GABBR2: variants seen among roughly 807,000 people sequenced by gnomAD.
The protein encoded by GABBR2 is G-protein coupled receptor 51.
A neutral mutation model predicts 105.6 loss-of-function variants in GABBR2; 23 were observed. That is an observed-to-expected ratio of 0.22 (90% CI 0.16 to 0.31). The LOEUF (loss-of-function observed/expected upper bound fraction) is 0.31. GABBR2 is among the 10% of genes least tolerant of loss of function. GABBR2 has a pLI of 1.00. For missense variants in GABBR2, 734 were observed against 1,245.5 expected, an observed-to-expected ratio of 0.59 and a Z score of 6.18; for synonymous variants, 478 against 499.7, an observed-to-expected ratio of 0.96 and a Z score of 0.58.
At chr9:98,383,091 G>T (rs866745116) in intron 11 of GABBR2, among the ~76,000 whole-genome samples, 1 of 152,078 alleles carries the variant, frequency 6.6e-6, no homozygotes. Context: ...ACAGGCATGC[G>T]CCTCCATGCC....
chr9:98,466,902 T>C (rs1826569980), intron 6 of GABBR2, among the ~76,000 whole-genome samples: 1 of 152,206 alleles, frequency 6.6e-6, no homozygotes, highest in Middle Eastern at 3.2e-3. Flanking sequence ...GTCCTATCTT[T>C]ATGCTCCACA....
chr9:98,705,023 C>G (rs1218420895), intron 1 of GABBR2, among the ~76,000 whole-genome samples: 3 of 151,802 alleles, frequency 2.0e-5, no homozygotes, highest in Non-Finnish European at 4.4e-5. Context: ...GTACATTTAC[C>G]TTTTTACCTT....
intron 17 of GABBR2, among the ~76,000 whole-genome samples, chr9:98,296,917 T>C (rs1830391533): frequency 6.6e-6 from 1 of 152,290 alleles, no homozygotes; most frequent in East Asian, 1.9e-4. Context: ...AACCTTTCCT[T>C]TTGTGATTTC....
Position 98,306,302 on chromosome 9 carries a change from A to C in GABBR2, c.2048T>G (p.Ile683Ser). ...GTACTTGCTGTCGTTGAGTGCGGGGATGCTGACGTTGCGGGTCTCCCAAGC... is the reference window on the plus strand; with the variant it reads ...GTACTTGCTGTCGTTGAGTGCGGGGCTGCTGACGTTGCGGGTCTCCCAAGC... ...FLAWETRNVSIPALNDSKYIG... is the reference protein window; with the variant it reads ...FLAWETRNVSSPALNDSKYIG... The change falls in exon 15 of 19, where the codon ATC (isoleucine) becomes AGC (serine). Residue 683 changes from isoleucine to serine, a missense_variant. Ile to Ser is a moderately radical substitution (Grantham distance 142). Transcript: ENST00000259455. This position sits in a 1 kb window ranked among gnomAD's most constrained non-coding sequence, Gnocchi z 5.4. 6.2e-7 allele frequency: 1 copy of C among 1,614,074 alleles called. No homozygotes were observed. The highest frequency in any genetic ancestry group is 1.1e-5 in the South Asian group (1 of 91,068).
At chr9:98,702,977 C>T (rs531514025) in intron 1 of GABBR2, among the ~76,000 whole-genome samples, 1 of 152,354 alleles carries the variant, frequency 6.6e-6, no homozygotes, top group East Asian at 1.9e-4. Context: ...TCACCTCCCT[C>T]TCTCATCATG....
intron 13 of GABBR2, among the ~76,000 whole-genome samples, chr9:98,341,157 A>G (rs774580644): frequency 1.4e-4 from 21 of 152,332 alleles, no homozygotes; most frequent in Middle Eastern, 6.8e-3. Flanking sequence ...ATCAACTGCA[A>G]TCTCTCGTGA....
At chr9:98,664,328 CA>C (rs1329211334) in intron 1 of GABBR2, among the ~76,000 whole-genome samples, 1 of 152,206 alleles carries the variant, frequency 6.6e-6, no homozygotes, top group Non-Finnish European at 1.5e-5. Context: ...CTAGCCTCTT[CA>C]AAAACCAGAT....
At chr9:98,541,770 A>C in intron 3 of GABBR2, 103 bp downstream of exon 3, 1 of 1,023,178 alleles carries the variant, frequency 9.8e-7, no homozygotes, top group Non-Finnish European at 1.5e-6. Flanking sequence ...CACATGCTTA[A>C]AAGCCCTGTG....
At chr9:98,366,416 T>C (rs1380824094) in intron 12 of GABBR2, among the ~76,000 whole-genome samples, 1 of 152,228 alleles carries the variant, frequency 6.6e-6, no homozygotes, top group African/African-American at 2.4e-5. Context: ...TTTAAATGAA[T>C]GTCATGTGCA....
At position 98,306,316 on chromosome 9, in the gene GABBR2, G is replaced by T. The variant is rs767121791; in HGVS notation, c.2034C>A (p.Thr678=). 3 of 1,613,892 alleles carry T rather than the reference G, an allele frequency of 1.9e-6. No individual in the cohort carries two copies. The highest frequency in any genetic ancestry group is 1.7e-5 in the Admixed American group (1 of 60,016). The change falls in exon 15 of 19, where the codon ACC becomes ACA. Residue 678 remains threonine (T), a synonymous_variant. Transcript: ENST00000259455. This position sits in a 1 kb window ranked among gnomAD's most constrained non-coding sequence, Gnocchi z 5.4. ...MLFGCFLAWE[T]RNVSIPALND... ...TGAGTGCGGGGATGCTGACGTTGCG[G>T]GTCTCCCAAGCTAAGAAACAACCGA...
At chr9:98,376,183 C>T (rs974765831) in intron 11 of GABBR2, among the ~76,000 whole-genome samples, 2 of 152,172 alleles carry the variant, frequency 1.3e-5, no homozygotes, top group African/African-American at 4.8e-5. Context: ...AAATCTATGC[C>T]CAGAACAATT....
At chr9:98,686,475 C>CA (rs1485863123) in intron 1 of GABBR2, among the ~76,000 whole-genome samples, 2 of 152,154 alleles carry the variant, frequency 1.3e-5, no homozygotes, top group Non-Finnish European at 2.9e-5. Context: ...TGGCTCACTG[C>CA]AACCTTCGCC....
At chr9:98,624,724 A>G (rs1368283859) in intron 1 of GABBR2, among the ~76,000 whole-genome samples, 2 of 152,170 alleles carry the variant, frequency 1.3e-5, no homozygotes, top group African/African-American at 4.8e-5. Flanking sequence ...CCTGCACAGG[A>G]TGCGGAGGAA....
chr9:98,548,163 A>G (rs1217800510), intron 2 of GABBR2, among the ~76,000 whole-genome samples: 2 of 121,188 alleles, frequency 1.7e-5, no homozygotes, highest in Non-Finnish European at 3.7e-5. Context: ...AGGTGTTTTA[A>G]ATTTATTAAT....
intron 17 of GABBR2, among the ~76,000 whole-genome samples, chr9:98,295,519 A>G (rs1222491153): frequency 1.3e-5 from 2 of 148,730 alleles, no homozygotes; most frequent in Non-Finnish European, 3.0e-5. Flanking sequence ...TAAACCATAT[A>G]TATTAAATGA....
intron 8 of GABBR2, among the ~76,000 whole-genome samples, chr9:98,398,523 G>T (rs921301876): frequency 2.0e-5 from 3 of 152,096 alleles, no homozygotes; most frequent in African/African-American, 7.2e-5. Flanking sequence ...GCTTGGAAAG[G>T]TCCTCCTCAT....
intron 13 of GABBR2, among the ~76,000 whole-genome samples, chr9:98,327,319 T>C (rs1326791703): frequency 6.6e-6 from 1 of 152,114 alleles, no homozygotes; most frequent in Non-Finnish European, 1.5e-5. Flanking sequence ...CGACTGCTGG[T>C]GTCACTTTCT....
intron 13 of GABBR2, among the ~76,000 whole-genome samples, chr9:98,359,131 TTATGACA>T (rs1831537977): frequency 6.6e-6 from 1 of 152,168 alleles, no homozygotes; most frequent in East Asian, 1.9e-4. Context: ...ACAGAAGTAC[TTATGACA>T]TATAAATGGC....
At chr9:98,442,137 TA>T (rs1431214915) in intron 7 of GABBR2, among the ~76,000 whole-genome samples, 1 of 152,242 alleles carries the variant, frequency 6.6e-6, no homozygotes, top group Non-Finnish European at 1.5e-5. Context: ...GGTGAGGTTA[TA>T]AAATGCCCTC....
Sources: gnomAD v4.1 joint callset for allele counts (sites outside exome capture counted in the v4.1 genomes callset) on GRCh38, gnomAD v4.1.1 for gene constraint, Gnocchi (gnomAD v3.1) non-coding constraint, MANE v1.5 for transcripts, NCBI Gene and HGNC (gene_info 2026-07-23, HGNC 2026-07-21) for gene names.